Variants in FXR2 observed in about 807,000 individuals in gnomAD.
FXR2 encodes RNA-binding protein FXR2.
In FXR2, 9 loss-of-function variants were observed where a neutral mutation model predicts 87.3. The observed-to-expected ratio is 0.10, with a 90% CI of 0.06 to 0.18. FXR2 has a LOEUF of 0.18. Among genes scored for constraint, FXR2 ranks in the 10% least tolerant of loss-of-function variants. FXR2 has a pLI of 1.00. For missense variants in FXR2, 661 were observed against 893.6 expected (o/e 0.74, Z 3.32); for synonymous variants, 331 against 328.3 (o/e 1.01, Z -0.09).
At position 7,602,929 on chromosome 17, in the gene FXR2, T is replaced by C. The variant is rs769958603; in HGVS notation, c.523A>G (p.Asn175Asp). ...GANCIFLNIT[N>D]SELFILSTTE... ...CTCACCAGAATGAAGAGCTCACTGT[T>C]TGTGATGTTGAGAAAGATGCAGTTG... The change falls in exon 6 of 17, where the codon AAC (asparagine) becomes GAC (aspartate). Residue 175 changes from asparagine (N) to aspartate (D), a missense_variant. Asn to Asp is a conservative substitution (Grantham distance 23). This residue lies in a region of FXR2 where 170 missense variants were observed against 247.2 expected (regional missense o/e 0.69). Coordinates refer to ENST00000250113, the MANE Select transcript of FXR2 (RefSeq NM_004860.4). The C allele has an allele frequency of 4.6e-6, 7 of 1,538,084 alleles. No individual in the cohort carries two copies. In the East Asian group the frequency reaches 1.6e-4, roughly 35 times the overall value.
At position 7,603,917 on chromosome 17, in the gene FXR2, TA is replaced by T; in HGVS notation, c.301-13del. ...TCAATGACATAGAACTGGCACATGG[TA>T]AAAAAGGAGAAGTTGTGGATGACCT... On this transcript the variant is annotated splice_polypyrimidine_tract_variant and intron_variant, in intron 4 of 16. Coordinates refer to ENST00000250113, the MANE Select transcript of FXR2 (RefSeq NM_004860.4). The T allele has an allele frequency of 6.2e-7, 1 of 1,613,652 alleles. No homozygotes were observed. The highest frequency in any genetic ancestry group is 1.1e-5 in the South Asian group (1 of 91,046).
chr17:7,602,332 G>A (rs771412552), intron 6 of FXR2, among the ~76,000 whole-genome samples: 8 of 151,928 alleles, frequency 5.3e-5, no homozygotes, highest in Non-Finnish European at 7.4e-5. Flanking sequence ...TTGGGAGGCC[G>A]AGGCGGGTGG....
At position 7,593,543 on chromosome 17, in the gene FXR2, C is replaced by T. The variant is rs1007075389; in HGVS notation, c.1190G>A (p.Ser397Asn). ...GTCGCTGCCACCGCTGCCCCGCCCA[C>T]TCCCAGGAGGGCGAAAGCCCAGCCC... is the stretch of plus-strand genomic sequence containing the variant. ...QIGLGFRPPG[S>N]GRGSGGSDKA... Residue 397 changes from serine (S) to asparagine (N), a missense_variant, in exon 12 of 17, where the codon AGT becomes AAT. Physicochemically the swap from Ser to Asn is conservative, Grantham distance 46 (BLOSUM62 1). Coordinates refer to ENST00000250113, the MANE Select transcript of FXR2 (RefSeq NM_004860.4). The surrounding 1 kb of genome is among the most constrained non-coding windows in gnomAD (Gnocchi z 6.1). The T allele has an allele frequency of 1.9e-6, 3 of 1,595,346 alleles. No individual in the cohort carries two copies. Among genetic ancestry groups the T allele is most frequent in the Non-Finnish European group, 2.6e-6 (3 of 1,172,572 alleles).
At chr17:7,611,258 G>A (rs557620527) in intron 1 of FXR2, among the ~76,000 whole-genome samples, 11 of 151,834 alleles carry the variant, frequency 7.2e-5, no homozygotes, top group Non-Finnish European at 1.3e-4. Context: ...CCCTTGTTAC[G>A]GATGCCAGTC....
intron 1 of FXR2, 126 bp downstream of exon 1, chr17:7,614,326 G>C: frequency 2.7e-6 from 2 of 747,032 alleles, no homozygotes; most frequent in Non-Finnish European, 4.4e-6. Flanking sequence ...CTGCGGGTTG[G>C]AGCAAGGGTC....
At position 7,593,520 on chromosome 17, in the gene FXR2, C is replaced by T. The variant is rs1242676241; in HGVS notation, c.1213G>A (p.Asp405Asn). The change falls in exon 12 of 17, where the codon GAC becomes AAC. Residue 405 changes from aspartate to asparagine, a missense_variant. Physicochemically the swap from Asp to Asn is conservative, Grantham distance 23. Coordinates refer to ENST00000250113, the MANE Select transcript of FXR2 (RefSeq NM_004860.4). This position sits in a 1 kb window ranked among gnomAD's most constrained non-coding sequence, Gnocchi z 6.1. ...PGSGRGSGGSDKAGYSTDESS... is the reference protein window; with the variant it reads ...PGSGRGSGGSNKAGYSTDESS... ...TCATCAGTGCTATATCCAGCCTTGT[C>T]GCTGCCACCGCTGCCCCGCCCACTC... 4.4e-6 allele frequency: 7 copies of T among 1,586,190 alleles called. No homozygotes were observed. The highest frequency in any genetic ancestry group is 1.1e-5 in the South Asian group (1 of 86,970).
rs772537460 is a variant in FXR2, at chr17:7,592,804, G to A, written c.1619C>T (p.Pro540Leu). Residue 540 changes from proline (P) to leucine (L), a missense_variant, in exon 14 of 17, where the codon CCA (proline) becomes CTA (leucine). By Grantham distance (98) the Pro-to-Leu change is moderately conservative (BLOSUM62 -3). This residue lies in a region of FXR2 where 409 missense variants were observed against 432.0 expected (regional missense o/e 0.95). Coordinates refer to ENST00000250113, the MANE Select transcript of FXR2 (RefSeq NM_004860.4). The surrounding 1 kb of genome is among the most constrained non-coding windows in gnomAD (Gnocchi z 4.8). ...GGAGCGGCGGCGCCTGGCACTTGCT[G>A]GGGGGGGTTCCCCAGGTTCTGAATC... ...PVDSEPGEPP[P>L]ASARRRRSRR... The A allele has an allele frequency of 1.2e-6, 2 of 1,609,242 alleles. No homozygotes were observed. The highest frequency in any genetic ancestry group is 1.7e-6 in the Non-Finnish European group (2 of 1,176,750).
chr17:7,611,393 C>A (rs1244930446), intron 1 of FXR2, among the ~76,000 whole-genome samples: 2 of 152,140 alleles, frequency 1.3e-5, no homozygotes, highest in Admixed American at 6.5e-5. Context: ...GACGGGAGGG[C>A]GTGGTGGCTC....
At chr17:7,607,717 G>A (rs1303786760) in intron 1 of FXR2, among the ~76,000 whole-genome samples, 1 of 151,802 alleles carries the variant, frequency 6.6e-6, no homozygotes, top group East Asian at 2.0e-4. Context: ...GTGAGCCACT[G>A]TGCCCAGCCT....
chr17:7,596,977 A>G (rs2071712690), intron 7 of FXR2, among the ~76,000 whole-genome samples: 1 of 152,006 alleles, frequency 6.6e-6, no homozygotes, highest in South Asian at 2.1e-4. Context: ...GGGTGTGCCT[A>G]TAATCCCAGC....
Position 7,594,482 on chromosome 17 carries a change from A to G in FXR2, c.911-135T>C. On this transcript the variant is annotated intron_variant, in intron 9 of 16. Coordinates refer to ENST00000250113, the MANE Select transcript of FXR2 (RefSeq NM_004860.4). This position sits in a 1 kb window ranked among gnomAD's most constrained non-coding sequence, Gnocchi z 5.1. ...TCATTCTCCTGCTTCTAGGTTTCTG[A>G]TGTGTTTTTACAGGACAAAATGTTA... is the stretch of plus-strand genomic sequence containing the variant. The G allele has an allele frequency of 2.9e-6, 2 of 684,402 alleles. No individual in the cohort carries two copies. Among genetic ancestry groups the G allele is most frequent in the South Asian group, 3.7e-5 (2 of 53,600 alleles). The allele number at this position is 684,402 out of a possible 1,614,324, so 42.4% of individuals were successfully genotyped here. A position where few individuals can be genotyped will look rare whatever the true frequency, so the allele number is the denominator to read the frequency against.
intron 7 of FXR2, among the ~76,000 whole-genome samples, chr17:7,601,013 T>C (rs1439119628): frequency 6.6e-6 from 1 of 151,014 alleles, no homozygotes; most frequent in African/African-American, 2.4e-5. Context: ...AACCCCATCT[T>C]ACTAATAATA....
At position 7,593,969 on chromosome 17, in the gene FXR2, C is replaced by G; in HGVS notation, c.1056G>C (p.Glu352Asp). 3 of 1,611,210 alleles carry G rather than the reference C, an allele frequency of 1.9e-6. No homozygotes were observed. Among genetic ancestry groups the G allele is most frequent in the Non-Finnish European group, 2.5e-6 (3 of 1,177,368 alleles). ...MVPFIFVGTR[E>D]NISNAQALLE... ...GCAAAGCCTGGGCATTGCTGATGTT[C>G]TCTCGGGTGCCAACAAAAATGAAGG... The change falls in exon 11 of 17, where the codon GAG becomes GAC. Residue 352 changes from glutamate to aspartate, a missense_variant. By Grantham distance (45) the Glu-to-Asp change is conservative. This residue lies in a region of FXR2 where 82 missense variants were observed against 214.4 expected (regional missense o/e 0.38). Transcript: ENST00000250113. This position sits in a 1 kb window ranked among gnomAD's most constrained non-coding sequence, Gnocchi z 6.1.
chr17:7,606,105 AAAG>A lies in FXR2; in HGVS notation c.123_125del (p.Phe42del). 6.5e-7 allele frequency: 1 copy of A among 1,541,830 alleles called. No individual in the cohort carries two copies. Among genetic ancestry groups the A allele is most frequent in the Non-Finnish European group, 8.8e-7 (1 of 1,138,286 alleles). The stretch of plus-strand genomic sequence containing the variant: ...TATTCCCAAGGTCTTACTTGTTTTC[AAAG>A]AAGATGGTGACAGAGTCTTCATGGA... On this transcript the variant is annotated inframe_deletion, in exon 2 of 17. Coordinates refer to ENST00000250113, the MANE Select transcript of FXR2 (RefSeq NM_004860.4).
At position 7,599,806 on chromosome 17, in the gene FXR2, A is replaced by C. The variant is rs954378469; in HGVS notation, c.660+1603T>G. On this transcript the variant is annotated intron_variant, in intron 7 of 16. Coordinates refer to ENST00000250113, the MANE Select transcript of FXR2 (RefSeq NM_004860.4). ...GGCAGGAGAATCGCTTCAATCTGGG[A>C]GGTGGAGGTTGCAGTAAGCCAAGAT... is the stretch of plus-strand genomic sequence containing the variant. Among the ~76,000 whole-genome samples, 28 of 151,814 alleles carry C rather than the reference A, an allele frequency of 1.8e-4. No individual in the cohort carries two copies. The East Asian group carries it at 5.5e-3, about 30-fold the overall frequency.
At position 7,592,190 on chromosome 17, in the gene FXR2, T is replaced by C; in HGVS notation, c.1926+64A>G. 1 of 1,541,514 alleles carries C rather than the reference T, an allele frequency of 6.5e-7. No individual in the cohort carries two copies. The highest frequency in any genetic ancestry group is 1.4e-5 in the African/African-American group (1 of 72,944). On this transcript the variant is annotated intron_variant, in intron 16 of 16. Transcript: ENST00000250113. The surrounding 1 kb of genome is among the most constrained non-coding windows in gnomAD (Gnocchi z 4.8). ...TCAGTAGGAGATTTGTGAAATTTTT[T>C]GTGCCCCCTGCCCCAGAGTAACAAC...
intron 7 of FXR2, among the ~76,000 whole-genome samples, chr17:7,597,420 G>C (rs2071715995): frequency 1.3e-5 from 2 of 151,134 alleles, no homozygotes. Flanking sequence ...AGGAGGGGAG[G>C]GGAAGAGATC....
chr17:7,611,478 G>A (rs1268770872), intron 1 of FXR2, among the ~76,000 whole-genome samples: 3 of 152,074 alleles, frequency 2.0e-5, no homozygotes, highest in Non-Finnish European at 4.4e-5. Context: ...AACCAGCCTG[G>A]CCAACATAGC....
At chr17:7,614,197 G>A in intron 1 of FXR2, 1 of 675,554 alleles carries the variant, frequency 1.5e-6, no homozygotes, top group Non-Finnish European at 2.7e-6. Flanking sequence ...GCCAAGCCAG[G>A]GACAATAATG....
Sources: gnomAD v4.1 joint callset for allele counts (sites outside exome capture counted in the v4.1 genomes callset) on GRCh38, gnomAD v4.1.1 for gene constraint, gnomAD v4.1.1 regional missense constraint, Gnocchi (gnomAD v3.1) non-coding constraint, MANE v1.5 for transcripts, NCBI Gene and HGNC (gene_info 2026-07-23, HGNC 2026-07-21) for gene names.